Variants in PCSK2 observed in about 807,000 individuals in gnomAD.
PCSK2 encodes the protein proprotein convertase subtilisin/kexin type 2, also known as neuroendocrine convertase 2.
A neutral mutation model predicts 69.7 loss-of-function variants in PCSK2; 14 were observed. That is an observed-to-expected ratio of 0.20 (90% CI 0.13 to 0.31). The LOEUF is 0.31. Among genes scored for constraint, PCSK2 ranks in the 10% least tolerant of loss-of-function variants. PCSK2 has a pLI of 1.00. For synonymous variants in PCSK2, 307 were observed against 320.7 expected, an observed-to-expected ratio of 0.96 and a Z score of 0.46; for missense variants, 544 against 842.5, an observed-to-expected ratio of 0.65 and a Z score of 4.39.
rs6111545 is a variant in PCSK2 at position 17,482,185 on chromosome 20, C to A, written c.*115C>A. ...TCACCCGTACAGGCAATTCCGTCTTCTTAATCTGAAGCTTCACTCACTGTC... is the reference window on the plus strand; with the variant it reads ...TCACCCGTACAGGCAATTCCGTCTTATTAATCTGAAGCTTCACTCACTGTC... On this transcript the variant is annotated 3_prime_UTR_variant, in exon 12 of 12. Coordinates refer to ENST00000262545, the MANE Select transcript of PCSK2 (RefSeq NM_002594.5). 2.1e-6 allele frequency: 2 copies of A among 931,912 alleles called. No individual in the cohort carries two copies. Among genetic ancestry groups the A allele is most frequent in the Non-Finnish European group, 3.1e-6 (2 of 643,958 alleles). 57.7% of individuals were successfully genotyped at this position (931,912 alleles called of 1,614,324 possible). A position where few individuals can be genotyped will look rare whatever the true frequency, so the allele number is the denominator to read the frequency against.
chr20:17,238,260 A>G (rs1986418485), intron 1 of PCSK2, among the ~76,000 whole-genome samples: 1 of 143,424 alleles, frequency 7.0e-6, no homozygotes, highest in African/African-American at 2.6e-5. Flanking sequence ...AAAGGTATTT[A>G]TGAATTAATA....
intron 1 of PCSK2, among the ~76,000 whole-genome samples, chr20:17,258,234 A>C (rs895242387): frequency 1.3e-5 from 2 of 152,202 alleles, no homozygotes; most frequent in African/African-American, 4.8e-5. Flanking sequence ...GAAGAAGAGG[A>C]TGGTCATAGG....
At chr20:17,436,671 A>G (rs1362555115) in intron 7 of PCSK2, 37 bp from the exon 8 acceptor site, 2 of 1,573,410 alleles carry the variant, frequency 1.3e-6, no homozygotes, top group African/African-American at 1.3e-5. Context: ...GAACTGGGGA[A>G]CCCAAACATG....
intron 11 of PCSK2, among the ~76,000 whole-genome samples, chr20:17,476,766 G>A (rs975758744): frequency 2.0e-5 from 3 of 152,204 alleles, no homozygotes; most frequent in African/African-American, 7.2e-5. Context: ...CCAATCTTTA[G>A]TTATTCATCA....
intron 5 of PCSK2, among the ~76,000 whole-genome samples, chr20:17,397,237 T>A (rs1687857681): frequency 6.6e-6 from 1 of 152,232 alleles, no homozygotes; most frequent in Non-Finnish European, 1.5e-5. Flanking sequence ...AAGCACATTT[T>A]AAAAAGAAAT....
intron 5 of PCSK2, among the ~76,000 whole-genome samples, chr20:17,370,298 A>G (rs1208898442): frequency 1.3e-5 from 2 of 152,220 alleles, no homozygotes; most frequent in African/African-American, 4.8e-5. Context: ...TTTGGAGGTC[A>G]CCAGTCTGGG....
At chr20:17,416,898 C>G (rs540295757) in intron 6 of PCSK2, among the ~76,000 whole-genome samples, 3 of 152,296 alleles carry the variant, frequency 2.0e-5, no homozygotes, top group African/African-American at 7.2e-5. Flanking sequence ...TGGAAATCAT[C>G]ATTCTCAGCA....
At chr20:17,348,099 G>GAAAGAAAGA (rs1555790026) in intron 2 of PCSK2, among the ~76,000 whole-genome samples, 27 of 133,192 alleles carry the variant, frequency 2.0e-4, no homozygotes, top group Non-Finnish European at 2.6e-4. Flanking sequence ...AAGAAAGAAA[G>GAAAGAAAGA]AAAGAAAAGA....
At chr20:17,319,992 G>T (rs1989814332) in intron 2 of PCSK2, among the ~76,000 whole-genome samples, 1 of 152,008 alleles carries the variant, frequency 6.6e-6, no homozygotes, top group Admixed American at 6.6e-5. Flanking sequence ...TTTATAAGGG[G>T]AAAATCTATC....
intron 2 of PCSK2, among the ~76,000 whole-genome samples, chr20:17,274,987 A>G (rs1988008378): frequency 1.3e-5 from 2 of 151,654 alleles, no homozygotes; most frequent in African/African-American, 2.4e-5. Flanking sequence ...TGTGGTGTTT[A>G]TATTTAACTC....
intron 10 of PCSK2, among the ~76,000 whole-genome samples, chr20:17,460,553 C>T (rs1000412854): frequency 3.3e-5 from 5 of 152,232 alleles, no homozygotes; most frequent in Admixed American, 6.5e-5. Flanking sequence ...GACAATCACT[C>T]ATCTCTGGAT....
chr20:17,419,750 T>A (rs887391908), intron 6 of PCSK2, among the ~76,000 whole-genome samples: 1 of 152,188 alleles, frequency 6.6e-6, no homozygotes, highest in Non-Finnish European at 1.5e-5. Flanking sequence ...TAGGTCAATG[T>A]TTGGTGATGC....
chr20:17,311,768 G>C (rs571638480), intron 2 of PCSK2, among the ~76,000 whole-genome samples: 1 of 152,248 alleles, frequency 6.6e-6, no homozygotes, highest in Non-Finnish European at 1.5e-5. Context: ...ATAGGAGGCT[G>C]TGAGTTTTAC....
chr20:17,418,694 A>C (rs964877788), intron 6 of PCSK2, among the ~76,000 whole-genome samples: 1 of 152,202 alleles, frequency 6.6e-6, no homozygotes, highest in Admixed American at 6.5e-5. Flanking sequence ...CTGGCATAGG[A>C]CCCAGCATGA....
chr20:17,452,975 T>C (rs1160158289), intron 8 of PCSK2, among the ~76,000 whole-genome samples: 1 of 152,248 alleles, frequency 6.6e-6, no homozygotes, highest in Non-Finnish European at 1.5e-5. Context: ...CTGTGCTTAC[T>C]ACTGTGTGTT....
chr20:17,310,191 C>A (rs543230351), intron 2 of PCSK2, among the ~76,000 whole-genome samples: 23 of 152,278 alleles, frequency 1.5e-4, no homozygotes, highest in Middle Eastern at 3.4e-3. Flanking sequence ...TTTCCATACA[C>A]GAGTCATTCC....
chr20:17,401,371 G>T (rs2123288954), intron 5 of PCSK2, among the ~76,000 whole-genome samples: 1 of 152,230 alleles, frequency 6.6e-6, no homozygotes, highest in African/African-American at 2.4e-5. Flanking sequence ...AGGACTTCCT[G>T]CCACATCTTC....
rs2033441648 is a variant in PCSK2 at position 17,483,236 on chromosome 20, C to T, written c.*1166C>T. 6.6e-6 allele frequency: 1 copy of T among 152,124 alleles called. No individual in the cohort carries two copies. Among genetic ancestry groups the T allele is most frequent in the Admixed American group, 6.5e-5 (1 of 15,268 alleles). 9.4% of individuals were successfully genotyped at this position (152,124 alleles called of 1,614,324 possible). On this transcript the variant is annotated 3_prime_UTR_variant, in exon 12 of 12. Coordinates refer to ENST00000262545, the MANE Select transcript of PCSK2 (RefSeq NM_002594.5). ...CACATAGTTCTCCAGTTGTATGGAG[C>T]CTCTTCTGCCAAGAGAGGGCCATGC...
At chr20:17,334,791 T>C (rs1337158723) in intron 2 of PCSK2, among the ~76,000 whole-genome samples, 1 of 152,208 alleles carries the variant, frequency 6.6e-6, no homozygotes, top group Non-Finnish European at 1.5e-5. Context: ...ACCAACTGAA[T>C]CTTCAAGCAA....
Sources: allele counts gnomAD v4.1 joint callset (sites outside exome capture counted in the v4.1 genomes callset), GRCh38; gene constraint gnomAD v4.1.1; transcripts MANE v1.5; gene names NCBI Gene and HGNC (gene_info 2026-07-23, HGNC 2026-07-21).